Variants in MCHR2 observed in about 807,000 individuals in gnomAD.
MCHR2 encodes melanin concentrating hormone receptor 2, also known as melanin-concentrating hormone receptor 2.
In MCHR2, 15 loss-of-function variants were observed where a neutral mutation model predicts 24.8. That is an observed-to-expected ratio of 0.60 (90% confidence interval 0.40 to 0.93). The LOEUF is 0.93. Ranked by LOEUF, MCHR2 falls within the 40% of genes least tolerant of loss-of-function variation. The pLI, the probability that MCHR2 is intolerant of heterozygous loss-of-function variation, is 0.00. For synonymous variants in MCHR2, 151 were observed against 147.6 expected, an observed-to-expected ratio of 1.02 and a Z score of -0.17; for missense variants, 386 against 408.7, an observed-to-expected ratio of 0.94 and a Z score of 0.48.
At chr6:99,940,964 G>C (rs539593832) in intron 4 of MCHR2, among the ~76,000 whole-genome samples, 56 of 152,216 alleles carry the variant, frequency 3.7e-4, no homozygotes, top group African/African-American at 1.1e-3. Context: ...GAGTTACAGA[G>C]CAACAGTCCC....
intron 1 of MCHR2, among the ~76,000 whole-genome samples, chr6:99,982,362 C>T (rs955863263): frequency 6.7e-6 from 1 of 149,656 alleles, no homozygotes; most frequent in Admixed American, 6.8e-5. Flanking sequence ...GGCACAGTGG[C>T]TCATGCCTGT....
chr6:99,982,945 T>G (rs1011069336), intron 1 of MCHR2, among the ~76,000 whole-genome samples: 4 of 151,968 alleles, frequency 2.6e-5, no homozygotes, highest in Non-Finnish European at 5.9e-5. Flanking sequence ...TGTTTTTGTT[T>G]TTTTGTTTTG....
chr6:99,989,681 T>A (rs1468588129), intron 1 of MCHR2, among the ~76,000 whole-genome samples: 11 of 152,086 alleles, frequency 7.2e-5, no homozygotes, highest in Non-Finnish European at 1.2e-4. Context: ...TAATAAGCCA[T>A]CACTGCTGCT....
chr6:99,981,164 C>T (rs1312032454), intron 1 of MCHR2, among the ~76,000 whole-genome samples: 2 of 152,078 alleles, frequency 1.3e-5, no homozygotes, highest in Non-Finnish European at 2.9e-5. Context: ...ATTGTTGTTA[C>T]TATTTTCACT....
At chr6:99,935,728 A>G (rs1438626593) in intron 4 of MCHR2, among the ~76,000 whole-genome samples, 2 of 152,022 alleles carry the variant, frequency 1.3e-5, no homozygotes, top group Non-Finnish European at 2.9e-5. Context: ...TAAACCCAGT[A>G]GTGGAACTGT....
chr6:99,973,877 A>G (rs1775490284), intron 1 of MCHR2, among the ~76,000 whole-genome samples: 1 of 152,242 alleles, frequency 6.6e-6, no homozygotes, highest in African/African-American at 2.4e-5. Context: ...TAAGAATGTT[A>G]AATATTGGCC....
chr6:99,943,126 T>C lies in MCHR2; in HGVS notation c.410A>G (p.Gln137Arg), dbSNP rs750133565. 3 of 1,610,258 alleles carry C rather than the reference T, an allele frequency of 1.9e-6. No individual in the cohort carries two copies. In the South Asian group the frequency reaches 3.3e-5, roughly 18 times the overall value. The change falls in exon 4 of 6, where the codon CAA becomes CGA. Residue 137 changes from glutamine to arginine, a missense_variant. Transcript: ENST00000281806. ...MSVDRYFALV[Q>R]PFRLTRWRTR... ...TCTCCAACGTGTCAGTCGAAATGGT[T>C]GGACGAGGGCAAAGTACCTGCAAAG...
chr6:99,947,707 G>A (rs1487273472), intron 3 of MCHR2, 55 bp downstream of exon 3: 67 of 1,556,878 alleles, frequency 4.3e-5, no homozygotes, highest in Non-Finnish European at 5.7e-5. Context: ...AATGAGCTTG[G>A]GGAAGCACAG....
At chr6:99,927,946 C>A (rs943444994) in intron 5 of MCHR2, among the ~76,000 whole-genome samples, 13 of 152,072 alleles carry the variant, frequency 8.5e-5, no homozygotes, top group African/African-American at 2.9e-4. Context: ...CAGTTTTTGC[C>A]CATTCAGTAT....
rs145701511 is a variant in MCHR2 at position 99,919,822 on chromosome 6, G to T, written c.*1118C>A. ...GGCTCACTGTAACCTCCACCTCCTGGGTTCAAGCAATTCTCCTGCCTCAGC... is the reference window on the plus strand; with the variant it reads ...GGCTCACTGTAACCTCCACCTCCTGTGTTCAAGCAATTCTCCTGCCTCAGC... On this transcript the variant is annotated 3_prime_UTR_variant, in exon 6 of 6. Coordinates refer to ENST00000281806, the MANE Select transcript of MCHR2 (RefSeq NM_001040179.2). 2 of 151,588 alleles carry T rather than the reference G, an allele frequency of 1.3e-5. No individual in the cohort carries two copies. Among genetic ancestry groups the T allele is most frequent in the Non-Finnish European group, 1.5e-5 (1 of 67,970 alleles). 9.4% of individuals were successfully genotyped at this position (151,588 alleles called of 1,614,324 possible). A position where few individuals can be genotyped will look rare whatever the true frequency, so the allele number is the denominator to read the frequency against.
intron 5 of MCHR2, among the ~76,000 whole-genome samples, chr6:99,931,671 G>A (rs776589767): frequency 1.2e-4 from 18 of 152,126 alleles, no homozygotes; most frequent in East Asian, 1.2e-3. Flanking sequence ...CTGGTGTGCC[G>A]TCTCCTAAGC....
chr6:99,955,909 T>G, intron 2 of MCHR2, 57 bp downstream of exon 2: 1 of 1,362,974 alleles, frequency 7.3e-7, no homozygotes. Context: ...TAGGGAGCTT[T>G]GACTGTAGTT....
chr6:99,922,238 C>G (rs1294381819), intron 5 of MCHR2, among the ~76,000 whole-genome samples: 1 of 151,892 alleles, frequency 6.6e-6, no homozygotes, highest in African/African-American at 2.4e-5. Flanking sequence ...TCCCGAGTAG[C>G]TGGGACTACA....
intron 4 of MCHR2, among the ~76,000 whole-genome samples, chr6:99,934,914 C>T (rs963483116): frequency 3.9e-5 from 6 of 151,902 alleles, no homozygotes; most frequent in Non-Finnish European, 8.8e-5. Flanking sequence ...CCATTAGTGC[C>T]CTTACATTAC....
rs746678547 is a variant in MCHR2 at position 99,956,128 on chromosome 6, G to T, written c.20C>A (p.Ser7Tyr). 2 of 1,611,968 alleles carry T rather than the reference G, an allele frequency of 1.2e-6. No homozygotes were observed. The highest frequency in any genetic ancestry group is 4.5e-5 in the East Asian group (2 of 44,838). The change falls in exon 2 of 6, where the codon TCT (serine) becomes TAT (tyrosine). Residue 7 changes from serine (S) to tyrosine (Y), a missense_variant. Physicochemically the swap from Ser to Tyr is moderately radical, Grantham distance 144. Coordinates refer to ENST00000281806, the MANE Select transcript of MCHR2 (RefSeq NM_001040179.2). MNPFHA[S>Y]CWNTSAELLN... The stretch of plus-strand genomic sequence containing the variant: ...AAGTTCGGCAGAGGTGTTCCAACAA[G>T]ATGCATGAAATGGATTCATTGTTCG...
chr6:99,947,196 A>G (rs1388414114), intron 3 of MCHR2, among the ~76,000 whole-genome samples: 1 of 152,172 alleles, frequency 6.6e-6, no homozygotes, highest in African/African-American at 2.4e-5. Context: ...AACCAATCAC[A>G]ATAATGTTTG....
chr6:99,984,653 A>G (rs1050390121), intron 1 of MCHR2, among the ~76,000 whole-genome samples: 1 of 152,130 alleles, frequency 6.6e-6, no homozygotes, highest in African/African-American at 2.4e-5. Context: ...AACCTCAAAA[A>G]ACTAGGCCTA....
In MCHR2 at chr6:99,938,056, C is replaced by A. The variant is rs894488810; in HGVS notation, c.588-3539G>T. Among the ~76,000 whole-genome samples the A allele has an allele frequency of 7.9e-5, 12 of 151,814 alleles. 1 individual carries two copies. The East Asian group carries it at 2.1e-3, about 27-fold the overall frequency. ...CTGAGGTTTCAGTTGTTATGTTTCC[C>A]TTTTTGTTTCTGATTTTGTTTATTT... On this transcript the variant is annotated intron_variant, in intron 4 of 5. Coordinates refer to ENST00000281806, the MANE Select transcript of MCHR2 (RefSeq NM_001040179.2).
intron 1 of MCHR2, among the ~76,000 whole-genome samples, chr6:99,976,600 A>C (rs1418530788): frequency 6.6e-6 from 1 of 152,120 alleles, no homozygotes; most frequent in East Asian, 1.9e-4. Flanking sequence ...CCAGCTAGCC[A>C]CATCTGTCTA....
Sources: gnomAD v4.1 joint callset for allele counts (sites outside exome capture counted in the v4.1 genomes callset) on GRCh38, gnomAD v4.1.1 for gene constraint, MANE v1.5 for transcripts, NCBI Gene and HGNC (gene_info 2026-07-23, HGNC 2026-07-21) for gene names.